The following SLC44A5 variants were observed in gnomAD, a reference collection of about 807,000 sequenced individuals.
SLC44A5 encodes the protein solute carrier family 44 member 5, also known as choline transporter-like protein 5.
SLC44A5 carries 57 observed loss-of-function variants against 101.8 expected under a neutral mutation model. The ratio of observed to expected loss-of-function variants is 0.56; its 90% confidence interval spans 0.45 to 0.70. The LOEUF is 0.70. SLC44A5 is among the 30% of genes least tolerant of loss of function. The pLI is 0.00. For synonymous variants in SLC44A5, 281 were observed against 290.9 expected (o/e 0.97, Z 0.35); for missense variants, 737 against 853.1 (o/e 0.86, Z 1.70).
At chr1:75,430,990 CACT>C (rs1274510080) in intron 2 of SLC44A5, among the ~76,000 whole-genome samples, 1 of 152,196 alleles carries the variant, frequency 6.6e-6, no homozygotes, top group African/African-American at 2.4e-5. Context: ...CAGCAATGGA[CACT>C]ACAATAAAGC....
At chr1:75,398,462 G>A (rs1662268138) in intron 2 of SLC44A5, 2 of 908,824 alleles carry the variant, frequency 2.2e-6, no homozygotes, top group African/African-American at 1.8e-5. Context: ...TTACTATAAT[G>A]TAGGTGTTTC....
intron 2 of SLC44A5, among the ~76,000 whole-genome samples, chr1:75,418,944 A>G (rs894791864): frequency 6.6e-6 from 1 of 152,168 alleles, no homozygotes; most frequent in Non-Finnish European, 1.5e-5. Flanking sequence ...TGCCTAAGGG[A>G]AGGGGAGCAA....
chr1:75,375,207 A>C (rs1660498112), intron 3 of SLC44A5, among the ~76,000 whole-genome samples: 1 of 152,242 alleles, frequency 6.6e-6, no homozygotes, highest in African/African-American at 2.4e-5. Context: ...AAATTTCAAA[A>C]TACAGCTGAA....
chr1:75,293,206 C>T (rs990001328), intron 5 of SLC44A5, among the ~76,000 whole-genome samples: 3 of 152,256 alleles, frequency 2.0e-5, no homozygotes, highest in African/African-American at 4.8e-5. Flanking sequence ...TCACTCATAT[C>T]GAGGAAATGC....
chr1:75,270,837 G>A (rs148636030), intron 6 of SLC44A5, among the ~76,000 whole-genome samples: 69 of 152,186 alleles, frequency 4.5e-4, no homozygotes, highest in African/African-American at 1.6e-3. Context: ...ATCTTTGAAA[G>A]ATCATTATGT....
Position 75,401,953 on chromosome 1 carries a change from C to T in SLC44A5, c.14-5332G>A, listed in dbSNP as rs76985505. Among the ~76,000 whole-genome samples, 750 of 152,140 alleles carry T rather than the reference C, an allele frequency of 4.9e-3. 11 individuals carry two copies. Among genetic ancestry groups the T allele is most frequent in the African/African-American group, 0.017 (715 of 41,518 alleles). On this transcript the variant is annotated intron_variant, in intron 2 of 23. Transcript: ENST00000370859. ...AAGAAAAATGTAGTGGAGTTAGAGA[C>T]GGCCCAGAGAAAGGCAACAGAGAAA...
intron 3 of SLC44A5, among the ~76,000 whole-genome samples, chr1:75,370,968 A>G (rs1660183443): frequency 6.6e-6 from 1 of 152,196 alleles, no homozygotes; most frequent in South Asian, 2.1e-4. Flanking sequence ...CTAAACTAAG[A>G]GGCATATTAA....
At chr1:75,681,145 A>G in the SLC44A5 span, among the ~76,000 whole-genome samples, 1 of 152,278 alleles carries the variant, frequency 6.6e-6, no homozygotes, top group East Asian at 1.9e-4. Context: ...AAAAGAGTCC[A>G]GGACCAGATG....
intron 1 of SLC44A5, among the ~76,000 whole-genome samples, chr1:75,555,612 G>A (rs1463892838): frequency 6.9e-6 from 1 of 145,158 alleles, no homozygotes; most frequent in Non-Finnish European, 1.5e-5. Context: ...GGGGCTGGAA[G>A]AGCAAGGATA....
chr1:75,359,911 G>C (rs1659365907), intron 3 of SLC44A5, among the ~76,000 whole-genome samples: 1 of 152,228 alleles, frequency 6.6e-6, no homozygotes, highest in African/African-American at 2.4e-5. Flanking sequence ...CATTTCCCTA[G>C]TGATTAGTAA....
At chr1:75,276,091 A>G (rs1485888356) in intron 5 of SLC44A5, among the ~76,000 whole-genome samples, 1 of 152,130 alleles carries the variant, frequency 6.6e-6, no homozygotes, top group Non-Finnish European at 1.5e-5. Flanking sequence ...TTTTTTCTCA[A>G]TCTAAGCCTG....
At chr1:75,311,466 T>C in intron 4 of SLC44A5, 2 of 727,414 alleles carry the variant, frequency 2.7e-6, no homozygotes, top group Non-Finnish European at 3.4e-6. Flanking sequence ...CAATCTATAC[T>C]TAATTTTGTC....
chr1:75,429,482 A>T (rs1379401068), intron 2 of SLC44A5, among the ~76,000 whole-genome samples: 1 of 152,210 alleles, frequency 6.6e-6, no homozygotes, highest in African/African-American at 2.4e-5. Context: ...TATGATGTCT[A>T]AGCACTGATC....
chr1:75,656,385 G>A, the SLC44A5 span, among the ~76,000 whole-genome samples: 4 of 152,176 alleles, frequency 2.6e-5, no homozygotes, highest in Non-Finnish European at 5.9e-5. Context: ...TAATTGTGGT[G>A]TATAAAGCAC....
At chr1:75,279,619 AC>A (rs1652223658) in intron 5 of SLC44A5, among the ~76,000 whole-genome samples, 4 of 151,352 alleles carry the variant, frequency 2.6e-5, no homozygotes, top group African/African-American at 9.7e-5. Flanking sequence ...TTTTGAAAAA[AC>A]CTTTTTTTTG....
chr1:75,547,514 G>A (rs1009318249), intron 1 of SLC44A5, among the ~76,000 whole-genome samples: 6 of 152,188 alleles, frequency 3.9e-5, no homozygotes, highest in Non-Finnish European at 7.4e-5. Context: ...ACCAAGAGGT[G>A]TAAGTGGTCC....
chr1:75,462,555 C>T (rs934587829), intron 2 of SLC44A5, among the ~76,000 whole-genome samples: 1 of 152,082 alleles, frequency 6.6e-6, no homozygotes, highest in African/African-American at 2.4e-5. Flanking sequence ...CATCAGGGAC[C>T]AGTCCTGGAG....
At chr1:75,601,842 C>T (rs1282801218) in intron 1 of SLC44A5, among the ~76,000 whole-genome samples, 1 of 152,128 alleles carries the variant, frequency 6.6e-6, no homozygotes, top group Non-Finnish European at 1.5e-5. Context: ...ATTCCTGAGA[C>T]ATTGGTCTGA....
At chr1:75,684,334 A>G in the SLC44A5 span, among the ~76,000 whole-genome samples, 11 of 152,152 alleles carry the variant, frequency 7.2e-5, no homozygotes, top group African/African-American at 2.7e-4. Flanking sequence ...ATGTACTCAC[A>G]TTTCAAAGCC....
Sources: gnomAD v4.1 joint callset for allele counts (sites outside exome capture counted in the v4.1 genomes callset) on GRCh38, gnomAD v4.1.1 for gene constraint, MANE v1.5 for transcripts, NCBI Gene and HGNC (gene_info 2026-07-23, HGNC 2026-07-21) for gene names.